The following MROH2A variants were observed in gnomAD, a reference collection of about 807,000 sequenced individuals.
MROH2A encodes the protein maestro heat-like repeat-containing protein family member 2A.
Under a neutral mutation model 200.4 loss-of-function variants are expected in MROH2A, and 174 were observed. The ratio of observed to expected loss-of-function variants is 0.87; its 90% CI spans 0.77 to 0.98. MROH2A has a LOEUF of 0.98. Among genes scored for constraint, MROH2A ranks in the 50% least tolerant of loss-of-function variants. The pLI is 0.00. For missense variants in MROH2A, 2,045 were observed against 2,139.6 expected (o/e 0.96, Z 0.87); for synonymous variants, 829 against 840.4 (o/e 0.99, Z 0.23).
At chr2:233,814,701 G>C in intron 26 of MROH2A, 24 bp downstream of exon 26, 5 of 1,521,148 alleles carry the variant, frequency 3.3e-6, no homozygotes, top group Non-Finnish European at 4.5e-6. Context: ...TGGCGGGCCA[G>C]AGCCAGGGAT....
chr2:233,810,986 T>A, intron 23 of MROH2A, 70 bp downstream of exon 23: 1 of 1,520,986 alleles, frequency 6.6e-7, no homozygotes, highest in Non-Finnish European at 8.9e-7. Context: ...GGTGAGAGGT[T>A]TTCAAAGTTC....
intron 17 of MROH2A, 87 bp from the exon 18 acceptor site, chr2:233,804,408 C>A: frequency 6.9e-7 from 1 of 1,446,176 alleles, no homozygotes; most frequent in Non-Finnish European, 9.5e-7. Flanking sequence ...AAATGCCACG[C>A]TAAGGAGGCA....
Position 233,807,644 on chromosome 2 carries a change from A to C in MROH2A, c.2173-89A>C. 2 of 1,544,044 alleles carry C rather than the reference A, an allele frequency of 1.3e-6. No homozygotes were observed. Among genetic ancestry groups the C allele is most frequent in the Non-Finnish European group, 1.7e-6 (2 of 1,143,518 alleles). On this transcript the variant is annotated intron_variant, in intron 20 of 41. Transcript: ENST00000389758. The surrounding 1 kb of genome is among the most constrained non-coding windows in gnomAD (Gnocchi z 4.3). The stretch of plus-strand genomic sequence containing the variant: ...ATGCGTTTTGTGTGTGTGTGTGTAC[A>C]TGTGTGTGTGCCTTGCACGTGTGTG...
chr2:233,802,401 C>G, intron 15 of MROH2A, 86 bp downstream of exon 15: 1 of 1,404,090 alleles, frequency 7.1e-7, no homozygotes, highest in South Asian at 1.4e-5. Flanking sequence ...CCACATTCCT[C>G]CCACCCTCAT....
intron 1 of MROH2A, among the ~76,000 whole-genome samples, chr2:233,779,047 A>T (rs1055300293): frequency 3.9e-5 from 6 of 152,224 alleles, no homozygotes; most frequent in Non-Finnish European, 8.8e-5. Context: ...GGCAGTTTGC[A>T]TCATGGCTGT....
At chr2:233,780,961 T>C (rs1217886578) in intron 3 of MROH2A, among the ~76,000 whole-genome samples, 4 of 152,194 alleles carry the variant, frequency 2.6e-5, no homozygotes, top group African/African-American at 9.6e-5. Flanking sequence ...TTTTTATAGC[T>C]CCCATATATG....
At chr2:233,792,723 G>T in intron 5 of MROH2A, 73 bp from the exon 6 acceptor site, 1 of 929,294 alleles carries the variant, frequency 1.1e-6, no homozygotes. Context: ...AGGGCAGCAG[G>T]GTTGTCCTCT....
Position 233,793,666 on chromosome 2 carries a change from T to C in MROH2A, c.671-7T>C. ...CGCCAAGTGCATTCCCCTGTTGCTG[T>C]TGGTAGCCATGGAGACCTTCTGTGA... On this transcript the variant is annotated splice_region_variant and splice_polypyrimidine_tract_variant and intron_variant, in intron 6 of 41. Coordinates refer to ENST00000389758, the MANE Select transcript of MROH2A (RefSeq NM_001394639.1). 1 of 1,380,068 alleles carries C rather than the reference T, an allele frequency of 7.2e-7. No homozygotes were observed. The highest frequency in any genetic ancestry group is 3.3e-5 in the Admixed American group (1 of 30,602). The allele number at this position is 1,380,068 out of a possible 1,614,324, so 85.5% of individuals were successfully genotyped here.
At chr2:233,794,565 A>G in intron 8 of MROH2A, 59 bp downstream of exon 8, 2 of 916,728 alleles carry the variant, frequency 2.2e-6, no homozygotes, top group Non-Finnish European at 1.7e-6. Context: ...GGGGCTCCCA[A>G]GTGTTTAAAG....
In MROH2A at chr2:233,822,127, C is replaced by A. The variant is rs1003241383; in HGVS notation, c.3516C>A (p.His1172Gln). ...LLRQPLPMESHLAEVWLAVSE... is the reference protein window; with the variant it reads ...LLRQPLPMESQLAEVWLAVSE... ...CTTGTGCCCTGACTTTGGTTAGCCA[C>A]CTGGCAGAGGTGTGGCTGGCAGTGT... Residue 1172 changes from histidine (H) to glutamine (Q), a missense_variant, in exon 32 of 42, where the codon CAC (histidine) becomes CAA (glutamine). This residue lies in a region of MROH2A where 1,201 missense variants were observed against 1,311.3 expected (regional missense o/e 0.92). Transcript: ENST00000389758. 3.9e-6 allele frequency: 6 copies of A among 1,548,284 alleles called. No homozygotes were observed. The highest frequency in any genetic ancestry group is 2.0e-5 in the Admixed American group (1 of 50,876).
chr2:233,782,064 T>G (rs184797763), intron 3 of MROH2A, among the ~76,000 whole-genome samples: 1 of 152,320 alleles, frequency 6.6e-6, no homozygotes, highest in East Asian at 1.9e-4. Flanking sequence ...GGCTCTCTAT[T>G]CTGTTCCATT....
chr2:233,827,909 C>T (rs931069230), intron 35 of MROH2A, among the ~76,000 whole-genome samples: 1 of 152,132 alleles, frequency 6.6e-6, no homozygotes, highest in East Asian at 1.9e-4. Context: ...GTTGTATTCA[C>T]TGCTCTACCT....
In MROH2A at chr2:233,803,982, G is replaced by T. The variant is rs1575957945; in HGVS notation, c.1750-69G>T. ...TCCAGCTCCTCCCTTTAAAAATGAG[G>T]ACAAAGAGCTCCAAGACAAGGAGCA... On this transcript the variant is annotated intron_variant, in intron 16 of 41. Transcript: ENST00000389758. 10 of 1,522,560 alleles carry T rather than the reference G, an allele frequency of 6.6e-6. No homozygotes were observed. The East Asian group carries it at 2.2e-4, about 34-fold the overall frequency. 94.3% of individuals were successfully genotyped at this position (1,522,560 alleles called of 1,614,324 possible).
At chr2:233,797,485 T>C (rs1303675871) in intron 11 of MROH2A, among the ~76,000 whole-genome samples, 2 of 152,206 alleles carry the variant, frequency 1.3e-5, no homozygotes, top group Non-Finnish European at 2.9e-5. Flanking sequence ...GTGTAGTCAA[T>C]CCACTTTTTG....
chr2:233,818,595 G>C (rs567740595), intron 28 of MROH2A, 57 bp from the exon 29 acceptor site: 9 of 1,105,290 alleles, frequency 8.1e-6, no homozygotes, highest in South Asian at 6.7e-5. Context: ...GCCACGAAGG[G>C]GGGGTGGCTG....
chr2:233,800,999 C>T (rs1415939356), intron 14 of MROH2A, among the ~76,000 whole-genome samples: 3 of 152,110 alleles, frequency 2.0e-5, no homozygotes, highest in African/African-American at 7.2e-5. Flanking sequence ...CCATGTGGCA[C>T]CCACATATAG....
At chr2:233,792,929 G>C (rs150443896) in intron 6 of MROH2A, 35 bp downstream of exon 6, 3 of 1,547,654 alleles carry the variant, frequency 1.9e-6, no homozygotes, top group African/African-American at 1.4e-5. Context: ...GGTCTGGCTC[G>C]ATCAGGGCGC....
chr2:233,811,811 G>A, intron 23 of MROH2A, 69 bp from the exon 24 acceptor site: 2 of 1,003,298 alleles, frequency 2.0e-6, no homozygotes, highest in Non-Finnish European at 3.1e-6. Context: ...TCTTCCTCAT[G>A]CTAACACTGG....
chr2:233,804,043 C>T lies in MROH2A; in HGVS notation c.1750-8C>T, dbSNP rs772024823. 12 of 1,549,818 alleles carry T rather than the reference C, an allele frequency of 7.7e-6. No homozygotes were observed. In the Admixed American group the frequency reaches 2.4e-4, roughly 30 times the overall value. On this transcript the variant is annotated splice_polypyrimidine_tract_variant and splice_region_variant and intron_variant, in intron 16 of 41. Coordinates refer to ENST00000389758, the MANE Select transcript of MROH2A (RefSeq NM_001394639.1). ...GTGCTACTTCACTGGAGCCTTGGTG[C>T]CCTCCAGGTGCTGATGTCATCACCT... is the stretch of plus-strand genomic sequence containing the variant.
Sources: allele counts gnomAD v4.1 joint callset (sites outside exome capture counted in the v4.1 genomes callset), GRCh38; gene constraint gnomAD v4.1.1; regional missense constraint gnomAD v4.1.1; non-coding constraint Gnocchi (gnomAD v3.1); transcripts MANE v1.5; gene names NCBI Gene and HGNC (gene_info 2026-07-23, HGNC 2026-07-21).